The following NRXN3 variants were observed in gnomAD, a reference collection of about 807,000 sequenced individuals.
NRXN3 encodes neurexin 3, also known as neurexin III.
In NRXN3, 32 loss-of-function variants were observed where a neutral mutation model predicts 137.6. That is an observed-to-expected ratio of 0.23 (90% confidence interval 0.18 to 0.31). NRXN3 has a LOEUF of 0.31. Among genes scored for constraint, NRXN3 ranks in the 10% least tolerant of loss-of-function variants. The probability of loss-of-function intolerance (pLI) is 1.00; values close to 1 mark genes in which losing one functional copy is unlikely to be tolerated. For synonymous variants in NRXN3, 798 were observed against 784.5 expected (o/e 1.02, Z -0.29); for missense variants, 1,574 against 2,062.5 (o/e 0.76, Z 4.59).
intron 20 of NRXN3, among the ~76,000 whole-genome samples, chr14:79,844,111 G>A (rs2099362035): frequency 6.6e-6 from 1 of 151,912 alleles, no homozygotes; most frequent in African/African-American, 2.4e-5. Context: ...AGTATTCCAT[G>A]GTGGATATAT....
chr14:79,457,637 T>G (rs2096274362), intron 15 of NRXN3, among the ~76,000 whole-genome samples: 2 of 152,170 alleles, frequency 1.3e-5, no homozygotes, highest in South Asian at 4.1e-4. Flanking sequence ...AAAATCGTGT[T>G]GTATGAATTA....
At chr14:78,739,618 C>G (rs1291906087) in intron 8 of NRXN3, among the ~76,000 whole-genome samples, 1 of 152,152 alleles carries the variant, frequency 6.6e-6, no homozygotes, top group Non-Finnish European at 1.5e-5. Context: ...ATTACAGGTG[C>G]CTGCCACCAT....
intron 10 of NRXN3, among the ~76,000 whole-genome samples, chr14:78,836,792 A>G (rs1310126774): frequency 1.3e-5 from 2 of 152,184 alleles, no homozygotes; most frequent in Non-Finnish European, 2.9e-5. Flanking sequence ...TACTTTATTT[A>G]AATACTTTCA....
intron 15 of NRXN3, among the ~76,000 whole-genome samples, chr14:79,300,921 A>C (rs573375645): frequency 2.6e-5 from 4 of 152,198 alleles, no homozygotes; most frequent in Admixed American, 6.5e-5. Flanking sequence ...TTGCCAGAGC[A>C]GGGATTATAA....
At chr14:79,518,502 T>C (rs2097021578) in intron 16 of NRXN3, among the ~76,000 whole-genome samples, 1 of 152,128 alleles carries the variant, frequency 6.6e-6, no homozygotes, top group South Asian at 2.1e-4. Flanking sequence ...TTATTACTTC[T>C]ACTAATGAGC....
intron 4 of NRXN3, among the ~76,000 whole-genome samples, chr14:78,491,521 A>G (rs1015848726): frequency 4.6e-5 from 7 of 152,196 alleles, no homozygotes; most frequent in African/African-American, 1.4e-4. Flanking sequence ...AGAGACAGAA[A>G]TTCCAGATTT....
At chr14:79,780,844 T>C (rs534525028) in intron 19 of NRXN3, among the ~76,000 whole-genome samples, 2 of 152,180 alleles carry the variant, frequency 1.3e-5, no homozygotes, top group Non-Finnish European at 2.9e-5. Flanking sequence ...TTCAGGATCT[T>C]GCATGCCTAA....
At chr14:78,525,037 A>G (rs1225144594) in intron 4 of NRXN3, among the ~76,000 whole-genome samples, 1 of 152,192 alleles carries the variant, frequency 6.6e-6, no homozygotes, top group Non-Finnish European at 1.5e-5. Context: ...TACTTCTCTG[A>G]CAATCCTATG....
chr14:78,742,736 A>T (rs2098584451), intron 8 of NRXN3, among the ~76,000 whole-genome samples: 1 of 152,150 alleles, frequency 6.6e-6, no homozygotes, highest in Non-Finnish European at 1.5e-5. Context: ...TACTATTCTT[A>T]TTCCATTATG....
intron 15 of NRXN3, among the ~76,000 whole-genome samples, chr14:79,162,781 C>T (rs1472868950): frequency 6.6e-6 from 1 of 151,802 alleles, no homozygotes; most frequent in African/African-American, 2.4e-5. Context: ...CATGAATTAC[C>T]AAATCTAATG....
intron 4 of NRXN3, among the ~76,000 whole-genome samples, chr14:78,346,039 A>T (rs1054997990): frequency 5.3e-5 from 8 of 152,150 alleles, no homozygotes; most frequent in African/African-American, 1.9e-4. Context: ...CTAAGAGGGG[A>T]TGCTCAGGAG....
intron 19 of NRXN3, among the ~76,000 whole-genome samples, chr14:79,769,590 A>G (rs983536563): frequency 1.3e-5 from 2 of 152,094 alleles, no homozygotes; most frequent in Non-Finnish European, 2.9e-5. Context: ...TTTTGTCACC[A>G]CCAGGCCTGC....
chr14:78,859,748 C>T (rs986413328), intron 10 of NRXN3, among the ~76,000 whole-genome samples: 7 of 152,098 alleles, frequency 4.6e-5, no homozygotes, highest in Non-Finnish European at 1.0e-4. Context: ...CAGTAAGTGC[C>T]TGTTTACTGT....
intron 20 of NRXN3, among the ~76,000 whole-genome samples, chr14:79,826,398 T>C (rs2099301521): frequency 1.3e-5 from 2 of 152,192 alleles, no homozygotes. Flanking sequence ...GGTTCACCAG[T>C]TGTTAACATT....
At chr14:79,536,810 T>C (rs1026898870) in intron 16 of NRXN3, among the ~76,000 whole-genome samples, 5 of 152,124 alleles carry the variant, frequency 3.3e-5, no homozygotes, top group African/African-American at 1.2e-4. Context: ...AATGGCTGCA[T>C]AGTATTCCAT....
intron 15 of NRXN3, among the ~76,000 whole-genome samples, chr14:79,260,304 G>C (rs1054346870): frequency 6.6e-6 from 1 of 152,142 alleles, no homozygotes; most frequent in African/African-American, 2.4e-5. Flanking sequence ...AAACTGAGTA[G>C]TGTTTTAAGA....
At chr14:78,530,713 ACT>A (rs2096449509) in intron 4 of NRXN3, among the ~76,000 whole-genome samples, 1 of 152,070 alleles carries the variant, frequency 6.6e-6, no homozygotes, top group African/African-American at 2.4e-5. Flanking sequence ...AAGCAGGTAA[ACT>A]CTGCCAAGAT....
At chr14:78,484,013 CACACACACACACACAGAG>C (rs2095517783) in intron 4 of NRXN3, among the ~76,000 whole-genome samples, 1 of 81,474 alleles carries the variant, frequency 1.2e-5, no homozygotes, top group Non-Finnish European at 2.7e-5. Context: ...CACACACACA[CACACACACACACACAGAG>C]AGAGAGAGAG....
intron 10 of NRXN3, among the ~76,000 whole-genome samples, chr14:78,925,866 C>G (rs2099287917): frequency 6.6e-6 from 1 of 152,160 alleles, no homozygotes; most frequent in African/African-American, 2.4e-5. Context: ...CAGAAATCTG[C>G]TGCTTCTTCT....
Sources: gnomAD v4.1 joint callset for allele counts (sites outside exome capture counted in the v4.1 genomes callset) on GRCh38, gnomAD v4.1.1 for gene constraint, MANE v1.5 for transcripts, NCBI Gene and HGNC (gene_info 2026-07-23, HGNC 2026-07-21) for gene names.